The following COL22A1 variants were observed in gnomAD, a reference collection of about 807,000 sequenced individuals.
COL22A1 encodes the protein collagen type XXII alpha 1 chain, also known as collagen alpha-1(XXII) chain.
In COL22A1, 221 loss-of-function variants were observed where a neutral mutation model predicts 248.9. The observed-to-expected ratio is 0.89, with a 90% CI of 0.80 to 0.99. The LOEUF is 0.99. Ranked by LOEUF, COL22A1 falls within the 50% of genes least tolerant of loss-of-function variation. The probability of loss-of-function intolerance (pLI) is 0.00; values close to 1 mark genes in which losing one functional copy is unlikely to be tolerated. For missense variants in COL22A1, 2,240 were observed against 2,179.0 expected, an observed-to-expected ratio of 1.03 and a Z score of -0.56; for synonymous variants, 891 against 793.4, an observed-to-expected ratio of 1.12 and a Z score of -2.07.
At chr8:138,817,687 TC>T (rs1818785757) in intron 7 of COL22A1, among the ~76,000 whole-genome samples, 1 of 152,180 alleles carries the variant, frequency 6.6e-6, no homozygotes, top group Non-Finnish European at 1.5e-5. Flanking sequence ...CTAATCCTCT[TC>T]CTGTTTTCAA....
At chr8:138,897,848 G>A (rs911451765) in intron 1 of COL22A1, among the ~76,000 whole-genome samples, 12 of 151,080 alleles carry the variant, frequency 7.9e-5, no homozygotes, top group Admixed American at 3.9e-4. Flanking sequence ...TTGGGCTGCT[G>A]CAACAAATTG....
intron 3 of COL22A1, among the ~76,000 whole-genome samples, chr8:138,867,698 G>C (rs886959871): frequency 1.3e-5 from 2 of 152,184 alleles, no homozygotes; most frequent in African/African-American, 4.8e-5. Flanking sequence ...GGCTGCAGTG[G>C]GAGCATTTTA....
chr8:138,756,590 G>A (rs893462362), intron 18 of COL22A1, among the ~76,000 whole-genome samples: 1 of 152,140 alleles, frequency 6.6e-6, no homozygotes, highest in African/African-American at 2.4e-5. Flanking sequence ...TTTACCTAGA[G>A]CTTAGCTCAG....
intron 44 of COL22A1, among the ~76,000 whole-genome samples, chr8:138,658,767 C>A (rs926942674): frequency 6.6e-6 from 1 of 152,150 alleles, no homozygotes; most frequent in Non-Finnish European, 1.5e-5. Flanking sequence ...ATCCCTGAGA[C>A]AACCATGCCT....
At chr8:138,783,532 A>G (rs1182156171) in intron 12 of COL22A1, among the ~76,000 whole-genome samples, 1 of 152,144 alleles carries the variant, frequency 6.6e-6, no homozygotes, top group Non-Finnish European at 1.5e-5. Context: ...CTGTGCTGGC[A>G]GCTGATTAGA....
At chr8:138,766,505 G>A (rs1356266186) in intron 16 of COL22A1, among the ~76,000 whole-genome samples, 2 of 152,104 alleles carry the variant, frequency 1.3e-5, no homozygotes, top group African/African-American at 4.8e-5. Flanking sequence ...GACACAGAGA[G>A]AGAGACTCAG....
At chr8:138,672,589 T>A (rs182618870) in intron 41 of COL22A1, among the ~76,000 whole-genome samples, 5 of 152,254 alleles carry the variant, frequency 3.3e-5, no homozygotes, top group African/African-American at 4.8e-5. Flanking sequence ...GACCAACTGA[T>A]GTAAGGCATC....
intron 9 of COL22A1, among the ~76,000 whole-genome samples, chr8:138,811,094 T>C (rs1400239562): frequency 6.6e-6 from 1 of 152,162 alleles, no homozygotes; most frequent in Non-Finnish European, 1.5e-5. Flanking sequence ...GAAGAACTTT[T>C]TTACCCCTTA....
At chr8:138,736,434 A>G (rs1189784749) in intron 23 of COL22A1, among the ~76,000 whole-genome samples, 1 of 152,012 alleles carries the variant, frequency 6.6e-6, no homozygotes, top group African/African-American at 2.4e-5. Context: ...AGGAAGACTA[A>G]GACAGTTTAG....
At chr8:138,712,908 C>T (rs1337607629) in intron 30 of COL22A1, among the ~76,000 whole-genome samples, 4 of 151,938 alleles carry the variant, frequency 2.6e-5, no homozygotes, top group Non-Finnish European at 1.5e-5. Context: ...GCAGAGGGTA[C>T]ATGTTCTATC....
chr8:138,717,279 C>G (rs1336011814), intron 27 of COL22A1, among the ~76,000 whole-genome samples: 1 of 152,076 alleles, frequency 6.6e-6, no homozygotes, highest in Non-Finnish European at 1.5e-5. Context: ...TCCCGAGTAG[C>G]TGGGACTACA....
rs77319462 is a variant in COL22A1 at position 138,645,364 on chromosome 8, G to A, written c.3501+1265C>T. 5.9e-3 allele frequency among the ~76,000 whole-genome samples: 894 copies of A among 152,218 alleles called. 6 individuals are homozygous for A. Among genetic ancestry groups the A allele is most frequent in the African/African-American group, 0.021 (854 of 41,538 alleles). On this transcript the variant is annotated intron_variant, in intron 47 of 64. Transcript: ENST00000303045. ...CTGGTCTTTGCTATCTCATCCCTGC[G>A]AGCAGCCCGCCCTGAATCCTCTCTC...
At chr8:138,910,414 T>G (rs1276685984) in intron 1 of COL22A1, among the ~76,000 whole-genome samples, 1 of 152,158 alleles carries the variant, frequency 6.6e-6, no homozygotes, top group East Asian at 1.9e-4. Context: ...TCAATCCCTC[T>G]GTGTCCTGGT....
At chr8:138,748,177 A>G (rs147004489) in intron 22 of COL22A1, among the ~76,000 whole-genome samples, 1,603 of 152,118 alleles carry the variant, frequency 0.011, 31 homozygotes, top group African/African-American at 0.033. Flanking sequence ...GGATGTGCCT[A>G]TTTCCAGCCC....
intron 12 of COL22A1, among the ~76,000 whole-genome samples, chr8:138,788,086 T>C (rs1815697192): frequency 6.6e-6 from 1 of 152,200 alleles, no homozygotes; most frequent in African/African-American, 2.4e-5. Flanking sequence ...GTCTTAGGAA[T>C]ATGCTGGGCA....
chr8:138,876,374 G>A (rs757231097), intron 3 of COL22A1, among the ~76,000 whole-genome samples: 2 of 152,158 alleles, frequency 1.3e-5, no homozygotes, highest in Non-Finnish European at 2.9e-5. Context: ...ATGAGACGCT[G>A]CTAAAGTTTA....
At chr8:138,759,969 T>C (rs1338423037) in intron 18 of COL22A1, among the ~76,000 whole-genome samples, 1 of 151,724 alleles carries the variant, frequency 6.6e-6, no homozygotes, top group Non-Finnish European at 1.5e-5. Flanking sequence ...AAATATTATA[T>C]AACAGAACTT....
At chr8:138,677,290 G>A (rs1276078678) in intron 40 of COL22A1, among the ~76,000 whole-genome samples, 1 of 152,222 alleles carries the variant, frequency 6.6e-6, no homozygotes, top group Non-Finnish European at 1.5e-5. Flanking sequence ...GACAGGAGCT[G>A]CCAGGTCTGC....
chr8:138,688,038 C>G lies in COL22A1; in HGVS notation c.2862+879G>C, dbSNP rs1398136097. ...TTTGACTCAGGTCCAAACGCTGAATCATTCAAATGAGTACGTCTGATTTCC... is the reference window on the plus strand; with the variant it reads ...TTTGACTCAGGTCCAAACGCTGAATGATTCAAATGAGTACGTCTGATTTCC... On this transcript the variant is annotated intron_variant, in intron 37 of 64. Coordinates refer to ENST00000303045, the MANE Select transcript of COL22A1 (RefSeq NM_152888.3). Among the ~76,000 whole-genome samples, 3 of 152,202 alleles carry G rather than the reference C, an allele frequency of 2.0e-5. No homozygotes were observed. The East Asian group carries it at 5.8e-4, about 29-fold the overall frequency.
Sources: gnomAD v4.1 joint callset for allele counts (sites outside exome capture counted in the v4.1 genomes callset) on GRCh38, gnomAD v4.1.1 for gene constraint, MANE v1.5 for transcripts, NCBI Gene and HGNC (gene_info 2026-07-23, HGNC 2026-07-21) for gene names.